The following GSK3B variants were observed in gnomAD, a reference collection of about 807,000 sequenced individuals.
The protein encoded by GSK3B is glycogen synthase kinase 3 beta.
In GSK3B, 15 loss-of-function variants were observed where a neutral mutation model predicts 56.4. The ratio of observed to expected loss-of-function variants is 0.27; its 90% CI spans 0.18 to 0.41. The LOEUF (loss-of-function observed/expected upper bound fraction) is 0.41. GSK3B is among the 10% of genes least tolerant of loss of function. GSK3B has a pLI of 1.00. For synonymous variants in GSK3B, 181 were observed against 188.9 expected (o/e 0.96, Z 0.34); for missense variants, 300 against 513.4 (o/e 0.58, Z 4.02).
intron 1 of GSK3B, among the ~76,000 whole-genome samples, chr3:120,017,641 A>G (rs978359989): frequency 6.6e-6 from 1 of 151,680 alleles, no homozygotes; most frequent in African/African-American, 2.4e-5. Context: ...GAATTAAAAC[A>G]GTAGGGAGGG....
intron 1 of GSK3B, among the ~76,000 whole-genome samples, chr3:120,006,621 C>A (rs1419612277): frequency 2.6e-5 from 4 of 152,146 alleles, no homozygotes; most frequent in African/African-American, 4.8e-5. Flanking sequence ...CATTCAAAAC[C>A]ACACAACTGC....
chr3:119,946,170 A>C (rs1462378354), intron 3 of GSK3B, among the ~76,000 whole-genome samples: 1 of 152,130 alleles, frequency 6.6e-6, no homozygotes, highest in Non-Finnish European at 1.5e-5. Flanking sequence ...TGTGTAATAC[A>C]TGTGTATATA....
chr3:120,038,723 C>CAAA (rs2058041756), intron 1 of GSK3B, among the ~76,000 whole-genome samples: 1 of 151,258 alleles, frequency 6.6e-6, no homozygotes, highest in Non-Finnish European at 1.5e-5. Flanking sequence ...AAGTAAAATG[C>CAAA]AAAGCTATAA....
At chr3:120,048,089 T>A (rs1271501762) in intron 1 of GSK3B, among the ~76,000 whole-genome samples, 1 of 152,198 alleles carries the variant, frequency 6.6e-6, no homozygotes, top group Admixed American at 6.5e-5. Context: ...TAAATACAAT[T>A]ACAATGTCTA....
chr3:119,930,124 C>CAT (rs775657395), intron 3 of GSK3B, among the ~76,000 whole-genome samples: 1 of 140,150 alleles, frequency 7.1e-6, no homozygotes, highest in Non-Finnish European at 1.6e-5. Context: ...CACACACACA[C>CAT]GTGCGCATGC....
intron 1 of GSK3B, among the ~76,000 whole-genome samples, chr3:120,091,386 G>A (rs549204113): frequency 5.3e-5 from 8 of 151,974 alleles, no homozygotes; most frequent in Non-Finnish European, 1.0e-4. Context: ...GACCTATATG[G>A]TAATCGGAAT....
At chr3:119,990,200 C>T (rs970130539) in intron 2 of GSK3B, among the ~76,000 whole-genome samples, 9 of 152,064 alleles carry the variant, frequency 5.9e-5, no homozygotes, top group African/African-American at 1.7e-4. Context: ...ATGCTAGCCC[C>T]GAGATAACAC....
At chr3:120,082,972 T>C (rs1324498730) in intron 1 of GSK3B, among the ~76,000 whole-genome samples, 1 of 152,146 alleles carries the variant, frequency 6.6e-6, no homozygotes, top group Non-Finnish European at 1.5e-5. Context: ...AAACAATTAC[T>C]TAATATTAAT....
chr3:120,076,901 A>C (rs1187766370), intron 1 of GSK3B, among the ~76,000 whole-genome samples: 2 of 151,838 alleles, frequency 1.3e-5, no homozygotes, highest in African/African-American at 2.4e-5. Context: ...CAACAGGTAT[A>C]TGAAAAGGTG....
chr3:120,067,934 T>C (rs1381761406), intron 1 of GSK3B, among the ~76,000 whole-genome samples: 1 of 152,232 alleles, frequency 6.6e-6, no homozygotes, highest in Non-Finnish European at 1.5e-5. Context: ...AAAGATACAA[T>C]CACAGAAATG....
chr3:120,083,233 G>C (rs1252889597), intron 1 of GSK3B, among the ~76,000 whole-genome samples: 2 of 152,128 alleles, frequency 1.3e-5, no homozygotes, highest in African/African-American at 2.4e-5. Flanking sequence ...CAAATCATGG[G>C]ATTTCCATAC....
At chr3:119,859,688 GTTCTT>G (rs2056073443) in intron 9 of GSK3B, among the ~76,000 whole-genome samples, 1 of 151,668 alleles carries the variant, frequency 6.6e-6, no homozygotes, top group Non-Finnish European at 1.5e-5. Flanking sequence ...TCCTTTTACT[GTTCTT>G]TTCTTTACTT....
chr3:120,087,630 T>A (rs114493662), intron 1 of GSK3B, among the ~76,000 whole-genome samples: 233 of 152,320 alleles, frequency 1.5e-3, no homozygotes, highest in African/African-American at 5.2e-3. Context: ...CGTTAAGGAC[T>A]TGGCTTTGTG....
At chr3:119,957,314 T>C (rs908272245) in intron 2 of GSK3B, among the ~76,000 whole-genome samples, 2 of 152,210 alleles carry the variant, frequency 1.3e-5, no homozygotes, top group Non-Finnish European at 2.9e-5. Context: ...AAAGGACTCA[T>C]GTATGCTACT....
chr3:120,016,279 AT>A (rs1316005916), intron 1 of GSK3B, among the ~76,000 whole-genome samples: 1 of 152,234 alleles, frequency 6.6e-6, no homozygotes, highest in African/African-American at 2.4e-5. Flanking sequence ...TGTATTTTTA[AT>A]AAGCACCTCA....
chr3:120,028,802 G>A, intron 1 of GSK3B: 1 of 448,172 alleles, frequency 2.2e-6, no homozygotes, highest in Non-Finnish European at 4.3e-6. Context: ...CTCCGCCAGT[G>A]GGCGGCCGCA....
chr3:119,851,794 T>C (rs1287160492), intron 9 of GSK3B, among the ~76,000 whole-genome samples: 5 of 152,198 alleles, frequency 3.3e-5, no homozygotes, highest in African/African-American at 7.2e-5. Flanking sequence ...TTGTCAGTGG[T>C]TGTCTATACA....
intron 1 of GSK3B, among the ~76,000 whole-genome samples, chr3:120,036,256 G>C (rs1317000373): frequency 1.3e-5 from 2 of 152,112 alleles, no homozygotes; most frequent in African/African-American, 4.8e-5. Flanking sequence ...ACTAAAACTG[G>C]TATGAAGTAT....
intron 1 of GSK3B, among the ~76,000 whole-genome samples, chr3:120,017,805 A>G (rs1009502001): frequency 6.6e-6 from 1 of 152,232 alleles, no homozygotes. Flanking sequence ...CCATTTTATG[A>G]CTATGCAGAT....
Sources: allele counts gnomAD v4.1 joint callset (sites outside exome capture counted in the v4.1 genomes callset), GRCh38; gene constraint gnomAD v4.1.1; transcripts MANE v1.5; gene names NCBI Gene and HGNC (gene_info 2026-07-23, HGNC 2026-07-21).